Variants in AGPAT5 observed in about 807,000 individuals in gnomAD.
The protein encoded by AGPAT5 is 1-acylglycerol-3-phosphate O-acyltransferase 5.
A neutral mutation model predicts 45.6 loss-of-function variants in AGPAT5; 46 were observed. That is an observed-to-expected ratio of 1.01 (90% confidence interval 0.80 to 1.29). The LOEUF (loss-of-function observed/expected upper bound fraction) is 1.29, where lower values mean the gene tolerates loss of function less well. Ranked by LOEUF, AGPAT5 falls within the 50% of genes most tolerant of loss-of-function variation. AGPAT5 has a pLI of 0.00. For missense variants in AGPAT5, 673 were observed against 450.7 expected (o/e 1.49, Z -4.47); for synonymous variants, 272 against 167.0 (o/e 1.63, Z -4.85).
At position 6,732,663 on chromosome 8, in the gene AGPAT5, C is replaced by A; in HGVS notation, c.495+13C>A. On this transcript the variant is annotated intron_variant, in intron 4 of 7. Coordinates refer to ENST00000285518, the MANE Select transcript of AGPAT5 (RefSeq NM_018361.5). ...CGCAGGAACTCCAGTAAGAGCCTAC[C>A]CGTTTTTATTTTTCTTACCAGCTCT... 6.4e-7 allele frequency: 1 copy of A among 1,574,552 alleles called. No homozygotes were observed. Among genetic ancestry groups the A allele is most frequent in the Non-Finnish European group, 8.6e-7 (1 of 1,166,612 alleles).
chr8:6,729,663 C>A (rs149595546), intron 2 of AGPAT5, among the ~76,000 whole-genome samples: 3 of 152,202 alleles, frequency 2.0e-5, no homozygotes, highest in East Asian at 1.9e-4. Context: ...TTCCCATCTT[C>A]TGCACCCACT....
In AGPAT5 at chr8:6,759,795, A is replaced by T. The variant is rs1468303558; in HGVS notation, c.*2407A>T. 3 of 152,234 alleles carry T rather than the reference A, an allele frequency of 2.0e-5. No homozygotes were observed. Among genetic ancestry groups the T allele is most frequent in the South Asian group, 2.1e-4 (1 of 4,834 alleles). The allele number at this position is 152,234 out of a possible 1,614,324, so 9.4% of individuals were successfully genotyped here. ...CTAAGCTTTGAGCAAAGTTTTAAAA[A>T]AATACACTAAAATAATCAAAACTGT... is the stretch of plus-strand genomic sequence containing the variant. On this transcript the variant is annotated 3_prime_UTR_variant, in exon 8 of 8. Coordinates refer to ENST00000285518, the MANE Select transcript of AGPAT5 (RefSeq NM_018361.5).
intron 2 of AGPAT5, among the ~76,000 whole-genome samples, chr8:6,727,477 G>C (rs1800727681): frequency 6.6e-6 from 1 of 152,044 alleles, no homozygotes; most frequent in East Asian, 1.9e-4. Context: ...TGCCTCCCGG[G>C]TTCAAGCCAT....
chr8:6,747,907 A>C, intron 6 of AGPAT5, 79 bp downstream of exon 6: 1 of 1,437,376 alleles, frequency 7.0e-7, no homozygotes, highest in Non-Finnish European at 9.3e-7. Context: ...AGTTTTACAA[A>C]GTAGGTTAAG....
In AGPAT5 at chr8:6,724,861, A is replaced by G. The variant is rs771307143; in HGVS notation, c.220-9A>G. 1.1e-6 allele frequency: 1 copy of G among 922,068 alleles called. No individual in the cohort carries two copies. The highest frequency in any genetic ancestry group is 1.5e-6 in the Non-Finnish European group (1 of 667,054). 57.1% of individuals were successfully genotyped at this position (922,068 alleles called of 1,614,324 possible). ...TATCAAAGTAATGTTTTTTTGTTTT[A>G]TCTTTTAGATATTGCTATATGGAGA... On this transcript the variant is annotated splice_polypyrimidine_tract_variant and intron_variant, in intron 1 of 7. Coordinates refer to ENST00000285518, the MANE Select transcript of AGPAT5 (RefSeq NM_018361.5).
intron 4 of AGPAT5, among the ~76,000 whole-genome samples, chr8:6,739,756 G>C (rs916930920): frequency 2.0e-5 from 3 of 150,566 alleles, no homozygotes; most frequent in African/African-American, 7.4e-5. Flanking sequence ...TCTTTTTCTT[G>C]CTAAATTTTC....
chr8:6,732,146 G>A (rs1034379687), intron 3 of AGPAT5, among the ~76,000 whole-genome samples: 8 of 148,344 alleles, frequency 5.4e-5, no homozygotes, highest in Non-Finnish European at 1.2e-4. Context: ...TCTTTAGCAG[G>A]ATTGATTTTT....
intron 1 of AGPAT5, among the ~76,000 whole-genome samples, chr8:6,714,691 G>A (rs1001065833): frequency 6.6e-5 from 10 of 152,296 alleles, no homozygotes; most frequent in Non-Finnish European, 1.0e-4. Context: ...TCTTCCAAGA[G>A]CTTTTGAGTA....
chr8:6,756,650 G>A lies in AGPAT5; in HGVS notation c.870-513G>A, dbSNP rs201521213. Among the ~76,000 whole-genome samples, 10 of 149,120 alleles carry A rather than the reference G, an allele frequency of 6.7e-5. No homozygotes were observed. In the East Asian group the frequency reaches 1.8e-3, roughly 26 times the overall value. On this transcript the variant is annotated intron_variant, in intron 7 of 7. Transcript: ENST00000285518. ...AAAGGATTTGGGAGGATATGCATAT[G>A]TTATATTCAAATACATGCCATTTTA... is the stretch of plus-strand genomic sequence containing the variant.
intron 4 of AGPAT5, among the ~76,000 whole-genome samples, chr8:6,737,026 CTT>C (rs959528190): frequency 1.4e-4 from 22 of 152,192 alleles, no homozygotes; most frequent in African/African-American, 5.3e-4. Context: ...TTATATCCAG[CTT>C]TTTAAGTTGT....
chr8:6,736,912 G>T (rs184336403), intron 4 of AGPAT5, among the ~76,000 whole-genome samples: 2 of 152,328 alleles, frequency 1.3e-5, no homozygotes, highest in East Asian at 3.9e-4. Flanking sequence ...CATCTTATGA[G>T]TCTTGTAAAT....
intron 6 of AGPAT5, among the ~76,000 whole-genome samples, chr8:6,751,586 A>G (rs765502531): frequency 6.6e-6 from 1 of 152,182 alleles, no homozygotes; most frequent in Non-Finnish European, 1.5e-5. Context: ...TTTATGGTGT[A>G]AGTTTCATTT....
chr8:6,756,761 G>A (rs530464432), intron 7 of AGPAT5, among the ~76,000 whole-genome samples: 7 of 152,220 alleles, frequency 4.6e-5, no homozygotes, highest in East Asian at 1.9e-4. Context: ...CAGAGGGACC[G>A]CTGTCTAAGA....
intron 1 of AGPAT5, among the ~76,000 whole-genome samples, chr8:6,724,393 C>T (rs745981364): frequency 1.3e-5 from 2 of 152,228 alleles, no homozygotes; most frequent in African/African-American, 2.4e-5. Flanking sequence ...CTGCAGTTTA[C>T]AGTTCTTTAA....
At chr8:6,737,671 A>G (rs750377478) in intron 4 of AGPAT5, among the ~76,000 whole-genome samples, 9 of 152,188 alleles carry the variant, frequency 5.9e-5, no homozygotes, top group Non-Finnish European at 1.2e-4. Context: ...GCTTTCACTT[A>G]AGTTCCTTTT....
chr8:6,719,878 A>T (rs1317939761), intron 1 of AGPAT5, among the ~76,000 whole-genome samples: 1 of 152,130 alleles, frequency 6.6e-6, no homozygotes, highest in African/African-American at 2.4e-5. Context: ...GCAAAGGGGG[A>T]TATGATCAGA....
chr8:6,722,801 T>C (rs957872690), intron 1 of AGPAT5, among the ~76,000 whole-genome samples: 1 of 152,086 alleles, frequency 6.6e-6, no homozygotes, highest in African/African-American at 2.4e-5. Context: ...TTTTATTGGC[T>C]ACCTCTGAAT....
In AGPAT5 at chr8:6,732,614, A is replaced by G; in HGVS notation, c.459A>G (p.Arg153=). ...CCAAATTTAACGAGAAAGAGATGCG[A>G]AACAAGTTGCAGAGCTACGTGGACG... is the stretch of plus-strand genomic sequence containing the variant. ...RSAKFNEKEM[R]NKLQSYVDAG... The change falls in exon 4 of 8, where the codon CGA becomes CGG. Residue 153 remains arginine, a synonymous_variant. Transcript: ENST00000285518. 6.2e-7 allele frequency: 1 copy of G among 1,611,498 alleles called. No homozygotes were observed. Among genetic ancestry groups the G allele is most frequent in the Non-Finnish European group, 8.5e-7 (1 of 1,179,364 alleles).
intron 1 of AGPAT5, among the ~76,000 whole-genome samples, chr8:6,723,947 C>A (rs1440511301): frequency 6.6e-6 from 1 of 152,162 alleles, no homozygotes. Flanking sequence ...CTTGCATAAT[C>A]CATGATGACA....
Sources: gnomAD v4.1 joint callset for allele counts (sites outside exome capture counted in the v4.1 genomes callset) on GRCh38, gnomAD v4.1.1 for gene constraint, MANE v1.5 for transcripts, NCBI Gene and HGNC (gene_info 2026-07-23, HGNC 2026-07-21) for gene names.